SIAE: variants seen among roughly 807,000 people sequenced by gnomAD.
SIAE encodes the protein sialic acid acetylesterase, also known as sialate O-acetylesterase.
A neutral mutation model predicts 52.6 loss-of-function variants in SIAE; 39 were observed. The ratio of observed to expected loss-of-function variants is 0.74; its 90% confidence interval spans 0.57 to 0.97. The LOEUF (loss-of-function observed/expected upper bound fraction) is 0.97, where lower values mean the gene tolerates loss of function less well. Among genes scored for constraint, SIAE ranks in the 50% least tolerant of loss-of-function variants. The pLI is 0.00. For synonymous variants in SIAE, 233 were observed against 241.4 expected (o/e 0.97, Z 0.32); for missense variants, 592 against 662.1 (o/e 0.89, Z 1.16).
upstream of SIAE, chr11:124,674,486 C>T (rs1447330070): frequency 6.6e-6 from 1 of 152,376 alleles, no homozygotes; most frequent in Non-Finnish European, 1.5e-5. Flanking sequence ...CTCACATTAA[C>T]AGGCCAGGTC....
chr11:124,649,585 A>G, intron 5 of SIAE, 34 bp downstream of exon 5: 3 of 1,610,982 alleles, frequency 1.9e-6, no homozygotes, highest in Non-Finnish European at 2.5e-6. Context: ...ATTCCCTGGT[A>G]GGCTCTTTCT....
intron 2 of SIAE, among the ~76,000 whole-genome samples, chr11:124,663,075 T>G (rs771406941): frequency 6.7e-6 from 1 of 150,232 alleles, no homozygotes; most frequent in African/African-American, 2.5e-5. Context: ...ACCCAGGAGG[T>G]GGAGGTTGCA....
chr11:124,637,761 C>A (rs1455662696), intron 9 of SIAE, among the ~76,000 whole-genome samples: 2 of 152,204 alleles, frequency 1.3e-5, no homozygotes, highest in Admixed American at 6.5e-5. Context: ...TGGAAAGAAG[C>A]TAAGTGGGGT....
Position 124,634,040 on chromosome 11 carries a change from T to A in SIAE, c.*2911A>T, listed in dbSNP as rs969071928. On this transcript the variant is annotated 3_prime_UTR_variant, in exon 10 of 10. Coordinates refer to ENST00000263593, the MANE Select transcript of SIAE (RefSeq NM_170601.5). ...ATGTGTAAAATGTTTTTACTATGGA[T>A]CATGGATTTAAGAAACTTGAAAAGC... is the stretch of plus-strand genomic sequence containing the variant. 4 of 152,224 alleles carry A rather than the reference T, an allele frequency of 2.6e-5. No individual in the cohort carries two copies. Among genetic ancestry groups the A allele is most frequent in the Non-Finnish European group, 5.9e-5 (4 of 68,056 alleles). 9.4% of individuals were successfully genotyped at this position (152,224 alleles called of 1,614,324 possible). A position where few individuals can be genotyped will look rare whatever the true frequency, so the allele number is the denominator to read the frequency against.
At chr11:124,646,936 C>CGTTT (rs1311729163) in intron 7 of SIAE, among the ~76,000 whole-genome samples, 1 of 152,136 alleles carries the variant, frequency 6.6e-6, no homozygotes, top group Non-Finnish European at 1.5e-5. Context: ...CATGAAAAAT[C>CGTTT]GTTTACTACT....
Position 124,669,384 on chromosome 11 carries a change from T to A in SIAE, c.205A>T (p.Met69Leu). 1 of 1,614,194 alleles carries A rather than the reference T, an allele frequency of 6.2e-7. No individual in the cohort carries two copies. Among genetic ancestry groups the A allele is most frequent in the South Asian group, 1.1e-5 (1 of 91,084 alleles). ...CCTTTCACACTGGTCACTTTCTTCA[T>A]GATGGTTTCCTGACCTTGGCGCAGG... ...VTLRQGQETIMKKVTSVKAHS... is the reference protein window; with the variant it reads ...VTLRQGQETILKKVTSVKAHS... Residue 69 changes from methionine to leucine, a missense_variant, in exon 2 of 10, where the codon ATG becomes TTG. Coordinates refer to ENST00000263593, the MANE Select transcript of SIAE (RefSeq NM_170601.5).
intron 7 of SIAE, among the ~76,000 whole-genome samples, chr11:124,646,808 A>C (rs1942941628): frequency 6.6e-6 from 1 of 152,248 alleles, no homozygotes; most frequent in Non-Finnish European, 1.5e-5. Flanking sequence ...ATTAAAGCAA[A>C]ACGTTTAAAA....
chr11:124,661,742 C>T (rs1406258564), intron 2 of SIAE, among the ~76,000 whole-genome samples: 5 of 152,344 alleles, frequency 3.3e-5, no homozygotes, highest in Middle Eastern at 3.4e-3. Flanking sequence ...AAAATAAATA[C>T]TCTTGGCATT....
At position 124,639,806 on chromosome 11, in the gene SIAE, T is replaced by G; in HGVS notation, c.1028A>C (p.Gln343Pro). 1 of 1,614,256 alleles carries G rather than the reference T, an allele frequency of 6.2e-7. No individual in the cohort carries two copies. Among genetic ancestry groups the G allele is most frequent in the Non-Finnish European group, 8.5e-7 (1 of 1,180,044 alleles). ...DDGFPQIRWH[Q>P]TADFGYVPNP... ...GGGGACATAGCCGAAGTCTGCTGTT[T>G]GATGCCAACGGATCTGGGGAAATCC... Residue 343 changes from glutamine (Q) to proline (P), a missense_variant, in exon 8 of 10, where the codon CAA (glutamine) becomes CCA (proline). Transcript: ENST00000263593.
At chr11:124,651,726 ACT>A (rs1943020653) in intron 4 of SIAE, among the ~76,000 whole-genome samples, 1 of 152,138 alleles carries the variant, frequency 6.6e-6, no homozygotes, top group South Asian at 2.1e-4. Context: ...CTTCCACGAC[ACT>A]CTGTGCATCG....
Position 124,639,879 on chromosome 11 carries a change from A to G in SIAE, c.967-12T>C. On this transcript the variant is annotated splice_polypyrimidine_tract_variant and intron_variant, in intron 7 of 9. Coordinates refer to ENST00000263593, the MANE Select transcript of SIAE (RefSeq NM_170601.5). The stretch of plus-strand genomic sequence containing the variant: ...AAATCTGAAGATAACTAGAAAGCAG[A>G]GACATTGCTAATTTTATTGTATCAG... 1.2e-6 allele frequency: 2 copies of G among 1,613,770 alleles called. No homozygotes were observed. Among genetic ancestry groups the G allele is most frequent in the Non-Finnish European group, 1.7e-6 (2 of 1,180,004 alleles).
Position 124,673,719 on chromosome 11 carries a change from A to C in SIAE, c.-11T>G, listed in dbSNP as rs202021641. On this transcript the variant is annotated 5_prime_UTR_variant, in exon 1 of 10. Transcript: ENST00000263593. The stretch of plus-strand genomic sequence containing the variant: ...CCCCGGCGCGACCATGCTTGCAAGG[A>C]TCTGACCGCCGCCTAGGACTGGGAA... 6.2e-7 allele frequency: 1 copy of C among 1,613,274 alleles called. No individual in the cohort carries two copies. The highest frequency in any genetic ancestry group is 2.2e-5 in the East Asian group (1 of 44,792).
At chr11:124,637,965 T>C (rs1250177764) in intron 9 of SIAE, among the ~76,000 whole-genome samples, 1 of 152,222 alleles carries the variant, frequency 6.6e-6, no homozygotes, top group Non-Finnish European at 1.5e-5. Flanking sequence ...ATGTTCCATG[T>C]AGGAATGCCT....
At chr11:124,651,262 G>A (rs1943011801) in intron 4 of SIAE, among the ~76,000 whole-genome samples, 1 of 152,072 alleles carries the variant, frequency 6.6e-6, no homozygotes, top group African/African-American at 2.4e-5. Flanking sequence ...AATAAGGCAA[G>A]TAGGGCTGGG....
chr11:124,666,189 C>T (rs754575676), intron 2 of SIAE, among the ~76,000 whole-genome samples: 10 of 152,162 alleles, frequency 6.6e-5, no homozygotes, highest in Admixed American at 1.3e-4. Context: ...AACCTTTATG[C>T]TGTTATATCT....
At chr11:124,671,976 C>T (rs553039188) in intron 1 of SIAE, among the ~76,000 whole-genome samples, 7 of 150,388 alleles carry the variant, frequency 4.7e-5, no homozygotes, top group African/African-American at 1.5e-4. Flanking sequence ...CGGGGTTTCA[C>T]TACGTTGGCC....
chr11:124,671,915 C>A (rs1228801862), intron 1 of SIAE, among the ~76,000 whole-genome samples: 1 of 151,076 alleles, frequency 6.6e-6, no homozygotes, highest in Non-Finnish European at 1.5e-5. Context: ...GCATGTGCCA[C>A]CACACCTGGC....
intron 4 of SIAE, among the ~76,000 whole-genome samples, chr11:124,653,953 C>T (rs534123251): frequency 7.2e-5 from 11 of 152,062 alleles, no homozygotes; most frequent in African/African-American, 1.4e-4. Flanking sequence ...CCGAGGTGGG[C>T]GGATCATGAG....
chr11:124,656,339 G>A (rs1217494725), intron 3 of SIAE, among the ~76,000 whole-genome samples: 1 of 152,230 alleles, frequency 6.6e-6, no homozygotes, highest in East Asian at 1.9e-4. Context: ...CAGGCTGACA[G>A]TATCCTCATC....
Sources: gnomAD v4.1 joint callset for allele counts (sites outside exome capture counted in the v4.1 genomes callset) on GRCh38, gnomAD v4.1.1 for gene constraint, MANE v1.5 for transcripts, NCBI Gene and HGNC (gene_info 2026-07-23, HGNC 2026-07-21) for gene names.